The following VPS8 variants were observed in gnomAD, a reference collection of about 807,000 sequenced individuals.
VPS8 encodes the protein vacuolar protein sorting-associated protein 8 homolog.
In VPS8, 129 loss-of-function variants were observed where a neutral mutation model predicts 216.4. The observed-to-expected ratio is 0.60, with a 90% CI of 0.52 to 0.69. VPS8 has a LOEUF of 0.69. VPS8 is among the 30% of genes least tolerant of loss of function. The pLI, the probability that VPS8 is intolerant of heterozygous loss-of-function variation, is 0.00. For synonymous variants in VPS8, 571 were observed against 565.4 expected, an observed-to-expected ratio of 1.01 and a Z score of -0.14; for missense variants, 1,531 against 1,683.5, an observed-to-expected ratio of 0.91 and a Z score of 1.59.
At chr3:185,030,569 A>G (rs1757975834) in intron 46 of VPS8, among the ~76,000 whole-genome samples, 1 of 152,206 alleles carries the variant, frequency 6.6e-6, no homozygotes, top group South Asian at 2.1e-4. Context: ...CTGTGAGTCC[A>G]TTCAGTAAAT....
intron 1 of VPS8, chr3:184,813,771 A>T (rs928687748): frequency 2.0e-5 from 3 of 152,232 alleles, no homozygotes; most frequent in African/African-American, 2.4e-5. Context: ...GGTGATTCTT[A>T]GCTGTATCTC....
At chr3:185,027,130 G>T (rs193093085) in intron 46 of VPS8, among the ~76,000 whole-genome samples, 1 of 151,810 alleles carries the variant, frequency 6.6e-6, no homozygotes. Flanking sequence ...GATAGTTACC[G>T]AACACCTTGA....
At position 184,986,378 on chromosome 3, in the gene VPS8, T is replaced by C. The variant is rs1011204632; in HGVS notation, c.3585+3284T>C. On this transcript the variant is annotated intron_variant, in intron 42 of 47. Transcript: ENST00000625842. ...GCAGGGACTGTGTCTTTAATTGCTT[T>C]ATAATTCATGATAAGGAGTTTGGAT... 6.6e-5 allele frequency among the ~76,000 whole-genome samples: 10 copies of C among 152,342 alleles called. 1 individual carries two copies. Among genetic ancestry groups the C allele is most frequent in the African/African-American group, 2.2e-4 (9 of 41,582 alleles).
At chr3:184,940,270 T>TTATATATATATATATATATATA (rs5855048) in intron 36 of VPS8, 27 bp downstream of exon 36, 9 of 579,912 alleles carry the variant, frequency 1.6e-5, no homozygotes, top group African/African-American at 1.5e-4. Context: ...TAGTCTTTCA[T>TTATATATATATATATATATATA]TATATATATA....
chr3:185,028,943 T>C (rs943701441), intron 46 of VPS8, among the ~76,000 whole-genome samples: 3 of 152,128 alleles, frequency 2.0e-5, no homozygotes, highest in Admixed American at 2.0e-4. Context: ...TCCTGGTGGT[T>C]TATGAGAAGT....
intron 21 of VPS8, among the ~76,000 whole-genome samples, chr3:184,876,341 T>C (rs1260278366): frequency 6.6e-6 from 1 of 152,076 alleles, no homozygotes; most frequent in Non-Finnish European, 1.5e-5. Context: ...TTGAAGATAT[T>C]TGTTAAAAAT....
chr3:184,985,021 C>A (rs1195715460), intron 42 of VPS8, among the ~76,000 whole-genome samples: 2 of 152,082 alleles, frequency 1.3e-5, no homozygotes, highest in African/African-American at 4.8e-5. Flanking sequence ...TTTCTATTTT[C>A]AATGGTTGTT....
At chr3:184,857,173 T>C (rs924502552) in intron 14 of VPS8, among the ~76,000 whole-genome samples, 2 of 152,240 alleles carry the variant, frequency 1.3e-5, no homozygotes, top group Non-Finnish European at 2.9e-5. Flanking sequence ...TTTATAGAAT[T>C]AATGACAAAG....
At chr3:184,894,552 T>C (rs1733023339) in intron 22 of VPS8, 151 bp from the exon 23 acceptor site, 1 of 439,768 alleles carries the variant, frequency 2.3e-6, no homozygotes. Context: ...ACAAAGTTTT[T>C]GCAGTATAAA....
intron 45 of VPS8, among the ~76,000 whole-genome samples, chr3:185,004,622 ATGT>A (rs1753983744): frequency 6.6e-6 from 1 of 152,062 alleles, no homozygotes; most frequent in South Asian, 2.1e-4. Context: ...TAGTTTAGTG[ATGT>A]TGAGCATTTT....
intron 1 of VPS8, chr3:184,815,981 C>A (rs1716233569): frequency 1.3e-5 from 2 of 152,122 alleles, no homozygotes; most frequent in African/African-American, 4.8e-5. Context: ...ATTTAACTTA[C>A]AAGAATTTAC....
chr3:184,936,940 A>G (rs547476665), intron 35 of VPS8, among the ~76,000 whole-genome samples: 16 of 152,096 alleles, frequency 1.1e-4, no homozygotes, highest in African/African-American at 3.9e-4. Context: ...GGGTTTCACC[A>G]TGTTACCAGG....
At chr3:184,845,051 A>G (rs1228517781) in intron 8 of VPS8, among the ~76,000 whole-genome samples, 1 of 152,210 alleles carries the variant, frequency 6.6e-6, no homozygotes, top group African/African-American at 2.4e-5. Context: ...AACCAAATAT[A>G]CCTTTATGTG....
intron 45 of VPS8, among the ~76,000 whole-genome samples, chr3:185,009,830 G>A (rs1561100262): frequency 6.6e-6 from 1 of 152,060 alleles, no homozygotes; most frequent in Non-Finnish European, 1.5e-5. Context: ...AGGGCTCAGA[G>A]TCCAGGAAAG....
intron 25 of VPS8, among the ~76,000 whole-genome samples, chr3:184,902,257 C>T (rs1197787850): frequency 6.6e-6 from 1 of 151,966 alleles, no homozygotes; most frequent in Non-Finnish European, 1.5e-5. Flanking sequence ...GCAGGCGGAT[C>T]ATGAGGTCAG....
At chr3:184,996,271 C>T (rs1351480694) in intron 43 of VPS8, 61 bp from the exon 44 acceptor site, 1 of 1,500,532 alleles carries the variant, frequency 6.7e-7, no homozygotes, top group Non-Finnish European at 8.9e-7. Flanking sequence ...CCATTCATCT[C>T]CTCTATCTCT....
At chr3:184,939,601 A>G (rs1224647480) in intron 35 of VPS8, among the ~76,000 whole-genome samples, 2 of 149,078 alleles carry the variant, frequency 1.3e-5, no homozygotes, top group Non-Finnish European at 3.0e-5. Flanking sequence ...TGCTCAGAGG[A>G]TAAGTAACTT....
At chr3:184,967,752 G>A (rs1304681961) in intron 39 of VPS8, among the ~76,000 whole-genome samples, 3 of 151,698 alleles carry the variant, frequency 2.0e-5, no homozygotes, top group Non-Finnish European at 4.4e-5. Context: ...CAGGACAATT[G>A]CTTGAACCTG....
chr3:184,860,159 T>A, intron 15 of VPS8, 94 bp downstream of exon 15: 1 of 1,071,842 alleles, frequency 9.3e-7, no homozygotes, highest in South Asian at 1.4e-5. Flanking sequence ...TGCCAAGAAT[T>A]ATTACCTTTA....
Sources: allele counts gnomAD v4.1 joint callset (sites outside exome capture counted in the v4.1 genomes callset), GRCh38; gene constraint gnomAD v4.1.1; transcripts MANE v1.5; gene names NCBI Gene and HGNC (gene_info 2026-07-23, HGNC 2026-07-21).